The following COL26A1 variants were observed in gnomAD, a reference collection of about 807,000 sequenced individuals.
COL26A1 encodes collagen type XXVI alpha 1 chain.
A neutral mutation model predicts 59.3 loss-of-function variants in COL26A1; 41 were observed. The ratio of observed to expected loss-of-function variants is 0.69; its 90% CI spans 0.54 to 0.90. COL26A1 has a LOEUF of 0.90. Among genes scored for constraint, COL26A1 ranks in the 40% least tolerant of loss-of-function variants. COL26A1 has a pLI of 0.00. For missense variants in COL26A1, 612 were observed against 602.3 expected (o/e 1.02, Z -0.17); for synonymous variants, 266 against 256.0 (o/e 1.04, Z -0.37).
rs111203705 is a variant in COL26A1 at position 101,463,680 on chromosome 7, G to C, written c.385+15893G>C. On this transcript the variant is annotated intron_variant, in intron 3 of 12. Coordinates refer to ENST00000313669, the MANE Select transcript of COL26A1 (RefSeq NM_001278563.3). Reference sequence around the variant, plus strand: ...CTTCCATCCTTCCTTCCTCCCTCCCGTCCCCTTTCTTTCTTTTTCTCTCTC... The same window carrying C: ...CTTCCATCCTTCCTTCCTCCCTCCCCTCCCCTTTCTTTCTTTTTCTCTCTC... 2.4e-3 allele frequency among the ~76,000 whole-genome samples: 249 copies of C among 105,598 alleles called. 1 individual carries two copies. Among genetic ancestry groups the C allele is most frequent in the African/African-American group, 8.9e-3 (227 of 25,508 alleles). 69.3% of individuals were successfully genotyped at this position (105,598 alleles called of 152,430 possible). A position where few individuals can be genotyped will look rare whatever the true frequency, so the allele number is the denominator to read the frequency against.
chr7:101,527,177 C>T lies in COL26A1; in HGVS notation c.386-5905C>T, dbSNP rs906472362. 1.2e-4 allele frequency among the ~76,000 whole-genome samples: 19 copies of T among 152,032 alleles called. No homozygotes were observed. The East Asian group carries it at 3.5e-3, about 28-fold the overall frequency. On this transcript the variant is annotated intron_variant, in intron 3 of 12. Transcript: ENST00000313669. ...CTAGAGACGGGGTCCTGCCATGTTG[C>T]CCCGACTGGTCTCCAACTCCTGGGC...
intron 3 of COL26A1, among the ~76,000 whole-genome samples, chr7:101,471,579 T>G (rs868195865): frequency 1.9e-4 from 17 of 90,046 alleles, no homozygotes; most frequent in East Asian, 8.4e-4. Context: ...TTGTTTTTTT[T>G]TTTTTTTTTT....
intron 12 of COL26A1, among the ~76,000 whole-genome samples, chr7:101,556,455 A>G (rs749373165): frequency 1.3e-5 from 2 of 151,380 alleles, no homozygotes; most frequent in Non-Finnish European, 2.9e-5. Flanking sequence ...GGTTGCCTGG[A>G]TGAATGTATG....
chr7:101,540,115 G>C (rs1214399643), intron 5 of COL26A1, 66 bp downstream of exon 5: 1 of 1,513,408 alleles, frequency 6.6e-7, no homozygotes, highest in Non-Finnish European at 8.9e-7. Flanking sequence ...GGCCTCCCAG[G>C]GCCTCCCTAG....
intron 3 of COL26A1, among the ~76,000 whole-genome samples, chr7:101,468,570 T>C (rs1388002996): frequency 2.0e-5 from 3 of 152,204 alleles, no homozygotes; most frequent in Non-Finnish European, 4.4e-5. Context: ...CACTGAGCCC[T>C]GGTTATCGTA....
intron 3 of COL26A1, among the ~76,000 whole-genome samples, chr7:101,470,856 C>T (rs146780437): frequency 4.6e-5 from 7 of 152,188 alleles, no homozygotes; most frequent in Admixed American, 6.5e-5. Flanking sequence ...CCTCTAGTCA[C>T]GTGGCTGGCT....
intron 2 of COL26A1, among the ~76,000 whole-genome samples, chr7:101,421,160 G>C (rs984088279): frequency 2.0e-5 from 3 of 152,168 alleles, no homozygotes; most frequent in African/African-American, 2.4e-5. Context: ...GAATTGGCTT[G>C]TATGATTATG....
intron 1 of COL26A1, among the ~76,000 whole-genome samples, chr7:101,397,975 G>GGT (rs1336939077): frequency 6.6e-6 from 1 of 152,186 alleles, no homozygotes; most frequent in African/African-American, 2.4e-5. Context: ...GCCCCCTAGA[G>GGT]GTAACCATGG....
At chr7:101,539,206 A>G (rs903543725) in intron 4 of COL26A1, among the ~76,000 whole-genome samples, 1 of 151,890 alleles carries the variant, frequency 6.6e-6, no homozygotes, top group Non-Finnish European at 1.5e-5. Flanking sequence ...TCTAAAGGTC[A>G]TGTGCCACAA....
intron 1 of COL26A1, among the ~76,000 whole-genome samples, chr7:101,369,131 G>A (rs1791123678): frequency 6.6e-6 from 1 of 152,164 alleles, no homozygotes; most frequent in Admixed American, 6.5e-5. Context: ...AGATGGGGGG[G>A]CATGATGACT....
chr7:101,508,810 C>T (rs541932484), intron 3 of COL26A1, among the ~76,000 whole-genome samples: 3 of 152,284 alleles, frequency 2.0e-5, no homozygotes, highest in Non-Finnish European at 4.4e-5. Context: ...ACCTTCCCAC[C>T]TGTATTAGTT....
At chr7:101,466,873 A>C in intron 3 of COL26A1, among the ~76,000 whole-genome samples, 1 of 146,364 alleles carries the variant, frequency 6.8e-6, no homozygotes, top group African/African-American at 2.6e-5. Flanking sequence ...TTTTCATGCA[A>C]CGTGAAGGGT....
At chr7:101,363,917 G>C (rs1320412394) in intron 1 of COL26A1, among the ~76,000 whole-genome samples, 2 of 152,120 alleles carry the variant, frequency 1.3e-5, no homozygotes, top group Non-Finnish European at 2.9e-5. Flanking sequence ...AGCGGCCCCA[G>C]GACACCAGAG....
intron 3 of COL26A1, among the ~76,000 whole-genome samples, chr7:101,456,164 A>ATT (rs1306839831): frequency 5.0e-5 from 5 of 99,276 alleles, no homozygotes; most frequent in Admixed American, 3.9e-4. Flanking sequence ...ATATATATAT[A>ATT]TATATTTTTT....
chr7:101,514,206 C>T (rs1386828649), intron 3 of COL26A1, among the ~76,000 whole-genome samples: 2 of 151,824 alleles, frequency 1.3e-5, no homozygotes, highest in African/African-American at 4.8e-5. Flanking sequence ...GGCGTGGTGG[C>T]GGGTGCCTGT....
chr7:101,493,790 G>T (rs1041684875), intron 3 of COL26A1, among the ~76,000 whole-genome samples: 3 of 145,592 alleles, frequency 2.1e-5, no homozygotes, highest in African/African-American at 7.9e-5. Context: ...AAAATTAGCC[G>T]GGCGTGGTGG....
At chr7:101,550,515 C>T (rs1795837660) in intron 9 of COL26A1, among the ~76,000 whole-genome samples, 1 of 152,106 alleles carries the variant, frequency 6.6e-6, no homozygotes, top group Non-Finnish European at 1.5e-5. Flanking sequence ...GTAGACTCGG[C>T]ATGTCTGGCC....
At chr7:101,489,056 C>T (rs116696945) in intron 3 of COL26A1, among the ~76,000 whole-genome samples, 2,448 of 152,324 alleles carry the variant, frequency 0.016, 75 homozygotes, top group African/African-American at 0.056. Flanking sequence ...CGTGCTTCTA[C>T]GAATTTGCCT....
At chr7:101,411,481 G>C (rs1407114824) in intron 1 of COL26A1, among the ~76,000 whole-genome samples, 1 of 152,106 alleles carries the variant, frequency 6.6e-6, no homozygotes, top group Non-Finnish European at 1.5e-5. Context: ...GTCAGGACAC[G>C]GACTTGCAGG....
Sources: gnomAD v4.1 joint callset for allele counts (sites outside exome capture counted in the v4.1 genomes callset) on GRCh38, gnomAD v4.1.1 for gene constraint, MANE v1.5 for transcripts, NCBI Gene and HGNC (gene_info 2026-07-23, HGNC 2026-07-21) for gene names.